The following KRR1 variants were observed in gnomAD, a reference collection of about 807,000 sequenced individuals.
KRR1 encodes KRR1 small subunit processome component, also known as KRR1 small subunit processome component homolog.
A neutral mutation model predicts 50.0 loss-of-function variants in KRR1; 23 were observed. The ratio of observed to expected loss-of-function variants is 0.46; its 90% CI spans 0.33 to 0.65. KRR1 has a LOEUF of 0.65. Ranked by LOEUF, KRR1 falls within the 30% of genes least tolerant of loss-of-function variation. The pLI is 0.02. For missense variants in KRR1, 419 were observed against 442.4 expected (o/e 0.95, Z 0.47); for synonymous variants, 133 against 146.3 (o/e 0.91, Z 0.66).
rs1418025080 is a variant in KRR1 at position 75,506,928 on chromosome 12, AAG to A, written c.259-14_259-13del. ...GTTGCATTAACATGCTACAGAAGGA[AAG>A]AGCAAACAAGCAGTTGTCTAAAAAT... On this transcript the variant is annotated splice_polypyrimidine_tract_variant and intron_variant, in intron 2 of 9. Transcript: ENST00000229214. The A allele has an allele frequency of 9.5e-6, 15 of 1,574,674 alleles. No individual in the cohort carries two copies. The highest frequency in any genetic ancestry group is 1.3e-5 in the Non-Finnish European group (15 of 1,166,428).
At chr12:75,500,054 C>G (rs1594065230) in intron 9 of KRR1, 103 bp from the exon 10 acceptor site, 1 of 836,912 alleles carries the variant, frequency 1.2e-6, no homozygotes, top group South Asian at 1.8e-5. Flanking sequence ...CAGTTAACTT[C>G]AGAGTATTCT....
At chr12:75,504,308 TA>T (rs1228899799) in intron 6 of KRR1, 2 of 288,722 alleles carry the variant, frequency 6.9e-6, no homozygotes, top group East Asian at 1.2e-4. Context: ...GAGACAAAAA[TA>T]AAACTGAATT....
Position 75,495,759 on chromosome 12 carries a change from A to G in KRR1, c.*4050T>C. 2 of 698,096 alleles carry G rather than the reference A, an allele frequency of 2.9e-6. No individual in the cohort carries two copies. Among genetic ancestry groups the G allele is most frequent in the Non-Finnish European group, 5.0e-6 (2 of 402,312 alleles). The allele number at this position is 698,096 out of a possible 1,614,324, so 43.2% of individuals were successfully genotyped here. A position where few individuals can be genotyped will look rare whatever the true frequency, so the allele number is the denominator to read the frequency against. On this transcript the variant is annotated 3_prime_UTR_variant, in exon 10 of 10. Coordinates refer to ENST00000229214, the MANE Select transcript of KRR1 (RefSeq NM_007043.7). ...GAAACCATGTTTTATCTTAACGGCT[A>G]TCTTCAAGGAAACTGGCATCAAGTA...
At position 75,502,004 on chromosome 12, in the gene KRR1, T is replaced by C; in HGVS notation, c.832-4A>G. On this transcript the variant is annotated splice_region_variant and splice_polypyrimidine_tract_variant and intron_variant, in intron 7 of 9. Transcript: ENST00000229214. ...CACTAGCCAATTCTTTATCGATCTG[T>C]TGAAAACGGTATTTACAATTACATC... 1 of 1,604,216 alleles carries C rather than the reference T, an allele frequency of 6.2e-7. No homozygotes were observed.
At position 75,497,298 on chromosome 12, in the gene KRR1, T is replaced by C. The variant is rs978193120; in HGVS notation, c.*2511A>G. 2 of 152,212 alleles carry C rather than the reference T, an allele frequency of 1.3e-5. No individual in the cohort carries two copies. Among genetic ancestry groups the C allele is most frequent in the African/African-American group, 4.8e-5 (2 of 41,466 alleles). The allele number at this position is 152,212 out of a possible 1,614,324, so 9.4% of individuals were successfully genotyped here. ...AGCTTTTGATCTTTGGTGATCTAAC[T>C]TGAGATGCTCTTTAATCTTGGGGAA... On this transcript the variant is annotated 3_prime_UTR_variant, in exon 10 of 10. Coordinates refer to ENST00000229214, the MANE Select transcript of KRR1 (RefSeq NM_007043.7).
At position 75,506,310 on chromosome 12, in the gene KRR1, T is replaced by C. The variant is rs778406894; in HGVS notation, c.603+6A>G. On this transcript the variant is annotated splice_donor_region_variant and intron_variant, in intron 5 of 9. Coordinates refer to ENST00000229214, the MANE Select transcript of KRR1 (RefSeq NM_007043.7). ...AAATGAATCGAAGATAATACATAGTTCTCACCTCTTTTAAGCCACTAAAAG... is the reference window on the plus strand; with the variant it reads ...AAATGAATCGAAGATAATACATAGTCCTCACCTCTTTTAAGCCACTAAAAG... The C allele has an allele frequency of 6.4e-7, 1 of 1,567,558 alleles. No individual in the cohort carries two copies. The highest frequency in any genetic ancestry group is 8.8e-7 in the Non-Finnish European group (1 of 1,141,092).
chr12:75,498,609 A>ATTATAAGACTT lies in KRR1; in HGVS notation c.*1189_*1199dup. 1 of 1,095,368 alleles carries ATTATAAGACTT rather than the reference A, an allele frequency of 9.1e-7. No homozygotes were observed. The highest frequency in any genetic ancestry group is 1.4e-6 in the Non-Finnish European group (1 of 724,498). 67.9% of individuals were successfully genotyped at this position (1,095,368 alleles called of 1,614,324 possible). ...AAGCCAAAGCAAGTTAATGGTCATA[A>ATTATAAGACTT]TTATAAGACTTAGCTTTTTAAAATA... On this transcript the variant is annotated 3_prime_UTR_variant, in exon 10 of 10. Coordinates refer to ENST00000229214, the MANE Select transcript of KRR1 (RefSeq NM_007043.7).
Position 75,497,875 on chromosome 12 carries a change from T to G in KRR1, c.*1934A>C, listed in dbSNP as rs2046360716. ...TACATTTGTTTCAATAGTTGAATATTGAACATTTAAAAATATATATAAAAA... is the reference window on the plus strand; with the variant it reads ...TACATTTGTTTCAATAGTTGAATATGGAACATTTAAAAATATATATAAAAA... On this transcript the variant is annotated 3_prime_UTR_variant, in exon 10 of 10. Coordinates refer to ENST00000229214, the MANE Select transcript of KRR1 (RefSeq NM_007043.7). The G allele has an allele frequency of 6.8e-6, 1 of 146,454 alleles. No individual in the cohort carries two copies. The highest frequency in any genetic ancestry group is 2.1e-4 in the East Asian group (1 of 4,716). 9.1% of individuals were successfully genotyped at this position (146,454 alleles called of 1,614,324 possible).
At position 75,498,510 on chromosome 12, in the gene KRR1, A is replaced by T. The variant is rs2046366016; in HGVS notation, c.*1299T>A. On this transcript the variant is annotated 3_prime_UTR_variant, in exon 10 of 10. Transcript: ENST00000229214. ...GTTTATAAAGTTTATGTAAAAAGTC[A>T]ACTTAAAAATACCAAGTTAATTCAG... is the stretch of plus-strand genomic sequence containing the variant. 1.9e-6 allele frequency: 1 copy of T among 533,686 alleles called. No individual in the cohort carries two copies. The highest frequency in any genetic ancestry group is 2.9e-5 in the East Asian group (1 of 34,124). 33.1% of individuals were successfully genotyped at this position (533,686 alleles called of 1,614,324 possible).
rs1453522771 is a variant in KRR1, at chr12:75,491,187, TA to T, written c.*8621del. On this transcript the variant is annotated 3_prime_UTR_variant, in exon 10 of 10. Transcript: ENST00000229214. ...TCATAAAAATGATAGATTGTTTATA[TA>T]ATGCTTACAATGCTCTCAGCACTGT... 6.6e-6 allele frequency: 1 copy of T among 152,254 alleles called. No homozygotes were observed. The highest frequency in any genetic ancestry group is 1.5e-5 in the Non-Finnish European group (1 of 68,046). 9.4% of individuals were successfully genotyped at this position (152,254 alleles called of 1,614,324 possible).
chr12:75,496,772 T>C lies in KRR1; in HGVS notation c.*3037A>G, dbSNP rs1459434810. On this transcript the variant is annotated 3_prime_UTR_variant, in exon 10 of 10. Coordinates refer to ENST00000229214, the MANE Select transcript of KRR1 (RefSeq NM_007043.7). ...AAAGTGTTCCATTGCTCATGTTTTA[T>C]AAGGTCCCTTGCAGGCCTAAAATTA... 6.6e-6 allele frequency: 1 copy of C among 152,340 alleles called. No homozygotes were observed. The highest frequency in any genetic ancestry group is 1.9e-4 in the East Asian group (1 of 5,184). 9.4% of individuals were successfully genotyped at this position (152,340 alleles called of 1,614,324 possible).
Position 75,499,782 on chromosome 12 carries a change from A to C in KRR1, c.*27T>G. 4 of 1,543,560 alleles carry C rather than the reference A, an allele frequency of 2.6e-6. No individual in the cohort carries two copies. Among genetic ancestry groups the C allele is most frequent in the Non-Finnish European group, 3.5e-6 (4 of 1,143,880 alleles). On this transcript the variant is annotated 3_prime_UTR_variant, in exon 10 of 10. Transcript: ENST00000229214. Reference sequence around the variant, plus strand: ...CTCAAAATCCTTTACAAAAGGAGATAGTTCTAGTCAAGGAGTTTTGGGTAT... The same window carrying C: ...CTCAAAATCCTTTACAAAAGGAGATCGTTCTAGTCAAGGAGTTTTGGGTAT...
rs188885620 is a variant in KRR1 at position 75,504,031 on chromosome 12, C to T, written c.704G>A (p.Arg235Gln). Residue 235 changes from arginine (R) to glutamine (Q), a missense_variant, in exon 7 of 10, where the codon CGA (arginine) becomes CAA (glutamine). By Grantham distance (43) the Arg-to-Gln change is conservative. Transcript: ENST00000229214. The part of the protein sequence containing the change: ...KRELAKDSEL[R>Q]SQSWERFLPQ... ...CAAAAATCTCTCCCAACTTTGTGAT[C>T]GTAATTCAGAATCTTTTGCCAACTC... 18 of 1,611,820 alleles carry T rather than the reference C, an allele frequency of 1.1e-5. No homozygotes were observed. Among genetic ancestry groups the T allele is most frequent in the Admixed American group, 3.3e-5 (2 of 59,846 alleles).
rs116613853 is a variant in KRR1, at chr12:75,510,769, T to A, written c.85+744A>T. 7.4e-3 allele frequency among the ~76,000 whole-genome samples: 1,131 copies of A among 152,348 alleles called. 14 individuals are homozygous for A. Among genetic ancestry groups the A allele is most frequent in the African/African-American group, 0.026 (1,075 of 41,586 alleles). ...TAAACTCTATATAAGTTGTATCCCC[T>A]GCTATGTACGTTACATAATCATTTA... On this transcript the variant is annotated intron_variant, in intron 1 of 9. Transcript: ENST00000229214.
intron 1 of KRR1, among the ~76,000 whole-genome samples, chr12:75,510,412 T>C (rs1042941142): frequency 2.6e-5 from 4 of 151,918 alleles, no homozygotes; most frequent in African/African-American, 9.7e-5. Flanking sequence ...AAAAATAAAT[T>C]GGGGTATATT....
Position 75,504,075 on chromosome 12 carries a change from C to CTAAA in KRR1, c.661-2_661-1insTTTA, listed in dbSNP as rs770108836. ...CCAACTCTCTCTTAATCATTAAGCT[C>CTAAA]TTTAGTCATGCAACAAAGTAAAAAT... On this transcript the variant is annotated splice_acceptor_variant, in intron 6 of 9. Transcript: ENST00000229214. LOFTEE classifies it high-confidence loss of function. The CTAAA allele has an allele frequency of 8.2e-6, 13 of 1,591,042 alleles. No individual in the cohort carries two copies. Among genetic ancestry groups the CTAAA allele is most frequent in the Non-Finnish European group, 1.1e-5 (13 of 1,170,638 alleles).
In KRR1 at chr12:75,501,834, A is replaced by AAAT; in HGVS notation, c.910-21_910-19dup. On this transcript the variant is annotated intron_variant, in intron 8 of 9. Coordinates refer to ENST00000229214, the MANE Select transcript of KRR1 (RefSeq NM_007043.7). ...TGTTTAGCCTACATTAATAAATAAA[A>AAAT]AATATATCAGTTAAATGTATTTATA... is the stretch of plus-strand genomic sequence containing the variant. 6.3e-7 allele frequency: 1 copy of AAAT among 1,579,468 alleles called. No homozygotes were observed. The highest frequency in any genetic ancestry group is 1.4e-5 in the African/African-American group (1 of 73,696).
At position 75,495,596 on chromosome 12, in the gene KRR1, C is replaced by T. The variant is rs774435352; in HGVS notation, c.*4213G>A. On this transcript the variant is annotated 3_prime_UTR_variant, in exon 10 of 10. Transcript: ENST00000229214. ...TTACAGAGGGAATTACCCAACTTGG[C>T]CATATAAGAGAGGAGCCACCTGCAG... 6.2e-7 allele frequency: 1 copy of T among 1,605,428 alleles called. No homozygotes were observed. The highest frequency in any genetic ancestry group is 8.5e-7 in the Non-Finnish European group (1 of 1,172,288).
Position 75,498,954 on chromosome 12 carries a change from C to T in KRR1, c.*855G>A, listed in dbSNP as rs1479808295. ...TTACCATTTTGGTACAGCACAAGTA[C>T]CCTAATTTAGTTCTTTTGGACTAAT... is the stretch of plus-strand genomic sequence containing the variant. On this transcript the variant is annotated 3_prime_UTR_variant, in exon 10 of 10. Coordinates refer to ENST00000229214, the MANE Select transcript of KRR1 (RefSeq NM_007043.7). 2 of 1,601,080 alleles carry T rather than the reference C, an allele frequency of 1.2e-6. No homozygotes were observed. Among genetic ancestry groups the T allele is most frequent in the Non-Finnish European group, 1.7e-6 (2 of 1,174,966 alleles).
Sources: allele counts gnomAD v4.1 joint callset (sites outside exome capture counted in the v4.1 genomes callset), GRCh38; gene constraint gnomAD v4.1.1; transcripts MANE v1.5; gene names NCBI Gene and HGNC (gene_info 2026-07-23, HGNC 2026-07-21).